Variants in TBC1D32 observed in about 807,000 individuals in gnomAD.
TBC1D32 encodes the protein protein broad-minded.
TBC1D32 carries 151 observed loss-of-function variants against 170.3 expected under a neutral mutation model. The ratio of observed to expected loss-of-function variants is 0.89; its 90% CI spans 0.78 to 1.01. The LOEUF is 1.01. TBC1D32 is among the 50% of genes least tolerant of loss of function. TBC1D32 has a pLI of 0.00. For missense variants in TBC1D32, 1,464 were observed against 1,457.1 expected (o/e 1.00, Z -0.08); for synonymous variants, 498 against 488.0 (o/e 1.02, Z -0.27).
chr6:121,162,424 T>C (rs552272035), intron 22 of TBC1D32, among the ~76,000 whole-genome samples: 13 of 152,240 alleles, frequency 8.5e-5, no homozygotes, highest in African/African-American at 3.1e-4. Flanking sequence ...GCACCATATA[T>C]GACAAACCCA....
At chr6:121,181,021 A>T (rs978468944) in intron 22 of TBC1D32, among the ~76,000 whole-genome samples, 1 of 152,138 alleles carries the variant, frequency 6.6e-6, no homozygotes, top group Non-Finnish European at 1.5e-5. Flanking sequence ...GGGAAATGCA[A>T]ATCAAAACCC....
chr6:121,120,050 A>G (rs1216509711), intron 26 of TBC1D32, among the ~76,000 whole-genome samples: 1 of 152,152 alleles, frequency 6.6e-6, no homozygotes, highest in Non-Finnish European at 1.5e-5. Context: ...CCAGCCAAAA[A>G]AATACTTGAT....
chr6:121,183,892 A>G (rs1788851070), intron 22 of TBC1D32, among the ~76,000 whole-genome samples: 1 of 152,060 alleles, frequency 6.6e-6, no homozygotes, highest in African/African-American at 2.4e-5. Context: ...CTGAAATACT[A>G]AACACAGACA....
intron 15 of TBC1D32, among the ~76,000 whole-genome samples, chr6:121,274,008 C>A (rs974769602): frequency 3.6e-4 from 55 of 152,102 alleles, no homozygotes; most frequent in African/African-American, 1.3e-3. Flanking sequence ...GTTCTTTGCT[C>A]AATTAAACTC....
chr6:121,288,388 A>C (rs1315640531), intron 12 of TBC1D32, among the ~76,000 whole-genome samples: 1 of 152,220 alleles, frequency 6.6e-6, no homozygotes, highest in Admixed American at 6.5e-5. Context: ...TACACAAATA[A>C]ACTAGAAAAT....
intron 12 of TBC1D32, among the ~76,000 whole-genome samples, chr6:121,288,740 T>C (rs543034044): frequency 2.0e-5 from 3 of 152,048 alleles, no homozygotes; most frequent in South Asian, 2.1e-4. Flanking sequence ...TGAACATCGA[T>C]GCAAAAATCC....
intron 12 of TBC1D32, among the ~76,000 whole-genome samples, chr6:121,286,537 G>A (rs1290802250): frequency 6.6e-6 from 1 of 152,146 alleles, no homozygotes; most frequent in Non-Finnish European, 1.5e-5. Flanking sequence ...TGGTGTACCT[G>A]AAAGTGATGG....
intron 15 of TBC1D32, among the ~76,000 whole-genome samples, chr6:121,261,573 G>T (rs897733809): frequency 5.9e-5 from 9 of 152,042 alleles, no homozygotes; most frequent in African/African-American, 2.2e-4. Flanking sequence ...CAAACAGAAA[G>T]CTACAACAAC....
intron 22 of TBC1D32, among the ~76,000 whole-genome samples, chr6:121,175,854 T>TA (rs1175660779): frequency 6.6e-6 from 1 of 152,134 alleles, no homozygotes. Flanking sequence ...AAGACAAGAA[T>TA]AAAATAAAGA....
chr6:121,329,613 T>C (rs555105696), intron 1 of TBC1D32, among the ~76,000 whole-genome samples: 4 of 151,762 alleles, frequency 2.6e-5, no homozygotes, highest in African/African-American at 9.7e-5. Context: ...GATCATGCCA[T>C]TGCACTCCAG....
At chr6:121,307,952 A>C (rs1288183336) in intron 5 of TBC1D32, 24 bp downstream of exon 5, 1 of 1,594,064 alleles carries the variant, frequency 6.3e-7, no homozygotes, top group Non-Finnish European at 8.5e-7. Context: ...ATTATTTTTA[A>C]TATTTCTATA....
rs763493922 is a variant in TBC1D32 at position 121,170,450 on chromosome 6, A to G, written c.2571-9394T>C. The G allele has an allele frequency of 5.0e-6, 8 of 1,608,096 alleles. No individual in the cohort carries two copies. In the Admixed American group the frequency reaches 1.0e-4, roughly 20 times the overall value. On this transcript the variant is annotated intron_variant, in intron 22 of 31. Coordinates refer to ENST00000398212, the MANE Select transcript of TBC1D32 (RefSeq NM_152730.6). ...CAAGATATTTTCTTCTTGAGCATTT[A>G]GTAACATTTCAGATACCTGATACTG...
intron 15 of TBC1D32, among the ~76,000 whole-genome samples, chr6:121,278,808 G>A (rs1441130019): frequency 1.3e-5 from 2 of 152,060 alleles, no homozygotes; most frequent in Non-Finnish European, 2.9e-5. Flanking sequence ...TTGGTTAAGT[G>A]AGAAAATAGG....
At position 121,151,706 on chromosome 6, in the gene TBC1D32, T is replaced by C. The variant is rs551922490; in HGVS notation, c.2773+8304A>G. On this transcript the variant is annotated intron_variant, in intron 24 of 31. Transcript: ENST00000398212. Reference sequence around the variant, plus strand: ...GCTCTTGTATTGGGTGCACATATATTTAGGATAGTTAGCTCTTCTTGTTGC... The same window carrying C: ...GCTCTTGTATTGGGTGCACATATATCTAGGATAGTTAGCTCTTCTTGTTGC... Among the ~76,000 whole-genome samples, 33 of 152,202 alleles carry C rather than the reference T, an allele frequency of 2.2e-4. 1 individual carries two copies. Among genetic ancestry groups the C allele is most frequent in the Admixed American group, 5.9e-4 (9 of 15,284 alleles).
chr6:121,122,132 TTC>T (rs912011997), intron 26 of TBC1D32, among the ~76,000 whole-genome samples: 2 of 151,966 alleles, frequency 1.3e-5, no homozygotes, highest in Non-Finnish European at 2.9e-5. Flanking sequence ...ACTTCTTTCT[TTC>T]TCTCATACCC....
intron 22 of TBC1D32, among the ~76,000 whole-genome samples, chr6:121,176,415 T>C (rs190596811): frequency 6.6e-6 from 1 of 152,150 alleles, no homozygotes; most frequent in Admixed American, 6.5e-5. Flanking sequence ...AAGGGAGAAG[T>C]ACACATTGAG....
At chr6:121,307,361 G>T (rs1807487318) in intron 5 of TBC1D32, among the ~76,000 whole-genome samples, 1 of 152,084 alleles carries the variant, frequency 6.6e-6, no homozygotes, top group South Asian at 2.1e-4. Flanking sequence ...GAGTGACAGA[G>T]CAAGACCCTG....
intron 2 of TBC1D32, among the ~76,000 whole-genome samples, chr6:121,320,422 A>C (rs1450493585): frequency 2.6e-5 from 4 of 152,116 alleles, no homozygotes; most frequent in Admixed American, 1.3e-4. Flanking sequence ...TCCTAGCAGT[A>C]CCATATAAAA....
intron 17 of TBC1D32, among the ~76,000 whole-genome samples, chr6:121,250,157 T>C (rs1203255077): frequency 6.6e-6 from 1 of 151,996 alleles, no homozygotes; most frequent in Admixed American, 6.6e-5. Flanking sequence ...CTACCAGAGA[T>C]ACAAAGAGAA....
Sources: gnomAD v4.1 joint callset for allele counts (sites outside exome capture counted in the v4.1 genomes callset) on GRCh38, gnomAD v4.1.1 for gene constraint, MANE v1.5 for transcripts, NCBI Gene and HGNC (gene_info 2026-07-23, HGNC 2026-07-21) for gene names.